The following CACNB4 variants were observed in gnomAD, a reference collection of about 807,000 sequenced individuals.
The protein encoded by CACNB4 is voltage-dependent L-type calcium channel subunit beta-4.
In CACNB4, 32 loss-of-function variants were observed where a neutral mutation model predicts 71.2. The ratio of observed to expected loss-of-function variants is 0.45; its 90% CI spans 0.34 to 0.60. CACNB4 has a LOEUF of 0.60. Among genes scored for constraint, CACNB4 ranks in the 20% least tolerant of loss-of-function variants. The probability of loss-of-function intolerance (pLI) is 0.01; values close to 1 mark genes in which losing one functional copy is unlikely to be tolerated. For synonymous variants in CACNB4, 231 were observed against 236.9 expected (o/e 0.97, Z 0.23); for missense variants, 464 against 647.9 (o/e 0.72, Z 3.08).
chr2:151,969,581 C>T (rs1282182130), intron 2 of CACNB4: 2 of 152,172 alleles, frequency 1.3e-5, no homozygotes, highest in African/African-American at 4.8e-5. Flanking sequence ...TAGCATTAAC[C>T]ATCAATTAGC....
At chr2:151,888,498 G>A (rs1230482593) in intron 2 of CACNB4, among the ~76,000 whole-genome samples, 2 of 152,100 alleles carry the variant, frequency 1.3e-5, no homozygotes, top group Non-Finnish European at 2.9e-5. Flanking sequence ...CCCGGGAGGT[G>A]GAGGCTCCAG....
chr2:151,865,799 T>TTTC, intron 9 of CACNB4: 1 of 152,048 alleles, frequency 6.6e-6, no homozygotes, highest in Non-Finnish European at 1.5e-5. Context: ...TTTTTTTTTT[T>TTTC]ATTGAGACAG....
intron 12 of CACNB4, among the ~76,000 whole-genome samples, chr2:151,845,762 C>T (rs1454328236): frequency 6.6e-6 from 1 of 152,184 alleles, no homozygotes; most frequent in Non-Finnish European, 1.5e-5. Flanking sequence ...ACAGGGAACA[C>T]CTTTGCCCTT....
At chr2:151,935,897 G>C (rs572981264) in intron 2 of CACNB4, among the ~76,000 whole-genome samples, 1 of 152,270 alleles carries the variant, frequency 6.6e-6, no homozygotes, top group East Asian at 1.9e-4. Flanking sequence ...GATCTGGATT[G>C]CTTTCCAAAA....
At chr2:152,055,175 C>T (rs937299675) in intron 2 of CACNB4, among the ~76,000 whole-genome samples, 1 of 152,112 alleles carries the variant, frequency 6.6e-6, no homozygotes, top group African/African-American at 2.4e-5. Flanking sequence ...CCACACTTGG[C>T]TAATTTTTGT....
At chr2:151,888,525 C>T (rs981792034) in intron 2 of CACNB4, among the ~76,000 whole-genome samples, 2 of 152,040 alleles carry the variant, frequency 1.3e-5, no homozygotes, top group African/African-American at 2.4e-5. Flanking sequence ...ATGATGATGC[C>T]ACAGCACTCT....
chr2:151,901,304 C>T (rs551209458), intron 2 of CACNB4, among the ~76,000 whole-genome samples: 2 of 152,034 alleles, frequency 1.3e-5, no homozygotes, highest in South Asian at 4.2e-4. Context: ...TTTTTGGTAA[C>T]CGTGTTAAAT....
At chr2:151,965,137 C>G (rs1329352902) in intron 2 of CACNB4, among the ~76,000 whole-genome samples, 1 of 152,188 alleles carries the variant, frequency 6.6e-6, no homozygotes, top group Non-Finnish European at 1.5e-5. Context: ...TGATATTAAG[C>G]TATCAATAAT....
chr2:152,041,764 T>A (rs906901234), intron 2 of CACNB4, among the ~76,000 whole-genome samples: 1 of 152,126 alleles, frequency 6.6e-6, no homozygotes, highest in African/African-American at 2.4e-5. Flanking sequence ...TCCAAAACCA[T>A]CAAAAAGGGA....
Position 152,074,714 on chromosome 2 carries a change from T to TCACCCCCTCACCATTACCACCTCCAC in CACNB4, c.147+23615_147+23616insGTGGAGGTGGTAATGGTGAGGGGGTG, listed in dbSNP as rs1560181694. On this transcript the variant is annotated intron_variant, in intron 2 of 13. Coordinates refer to ENST00000539935, the MANE Select transcript of CACNB4 (RefSeq NM_000726.5). ...CACCCCCTCACCATTACCACCTCTA[T>TCACCCCCTCACCATTACCACCTCCAC]CATCACCATCACCCCCTCACCATTA... Among the ~76,000 whole-genome samples the TCACCCCCTCACCATTACCACCTCCAC allele has an allele frequency of 9.6e-4, 16 of 16,704 alleles. 2 individuals are homozygous for TCACCCCCTCACCATTACCACCTCCAC. Among genetic ancestry groups the TCACCCCCTCACCATTACCACCTCCAC allele is most frequent in the Non-Finnish European group, 1.7e-3 (14 of 8,260 alleles). The allele number at this position is 16,704 out of a possible 152,430, so 11.0% of individuals were successfully genotyped here. A position where few individuals can be genotyped will look rare whatever the true frequency, so the allele number is the denominator to read the frequency against.
At chr2:151,994,161 G>C (rs1347647068) in intron 2 of CACNB4, among the ~76,000 whole-genome samples, 3 of 151,552 alleles carry the variant, frequency 2.0e-5, no homozygotes, top group Non-Finnish European at 2.9e-5. Context: ...AAGAGAGAAA[G>C]ACTCTGTTTC....
intron 2 of CACNB4, among the ~76,000 whole-genome samples, chr2:151,987,379 C>T (rs186354831): frequency 2.6e-5 from 4 of 152,264 alleles, no homozygotes; most frequent in Non-Finnish European, 5.9e-5. Context: ...CACTCTGTTC[C>T]ATTCTGTTTC....
At chr2:151,951,357 C>T (rs1028206937) in intron 2 of CACNB4, among the ~76,000 whole-genome samples, 19 of 152,058 alleles carry the variant, frequency 1.2e-4, no homozygotes, top group Admixed American at 2.6e-4. Context: ...CCCCTCTAAT[C>T]GATCTCTGAT....
chr2:151,923,564 G>C (rs2099859489), intron 2 of CACNB4, among the ~76,000 whole-genome samples: 1 of 152,164 alleles, frequency 6.6e-6, no homozygotes, highest in African/African-American at 2.4e-5. Context: ...AGGCCCGGAT[G>C]GCATCTAGCT....
At chr2:151,991,360 C>T (rs1429403815) in intron 2 of CACNB4, among the ~76,000 whole-genome samples, 1 of 152,172 alleles carries the variant, frequency 6.6e-6, no homozygotes, top group Non-Finnish European at 1.5e-5. Context: ...CCAGTTTTCC[C>T]AGAAGCTGGT....
At chr2:152,062,153 A>T (rs1310590655) in intron 2 of CACNB4, among the ~76,000 whole-genome samples, 1 of 152,032 alleles carries the variant, frequency 6.6e-6, no homozygotes, top group East Asian at 1.9e-4. Flanking sequence ...TTATTGTGAA[A>T]ATTTCCCCTA....
chr2:152,094,436 G>C (rs1422841139), intron 2 of CACNB4, among the ~76,000 whole-genome samples: 1 of 152,166 alleles, frequency 6.6e-6, no homozygotes, highest in African/African-American at 2.4e-5. Context: ...CCTCATAAGA[G>C]CAGACTTAAC....
At chr2:151,870,261 C>A (rs1260154629) in intron 8 of CACNB4, 1 of 702,884 alleles carries the variant, frequency 1.4e-6, no homozygotes, top group African/African-American at 1.7e-5. Context: ...ATTTAATGTA[C>A]AGCAAATCTT....
chr2:151,874,542 G>A (rs1452199215), intron 5 of CACNB4, among the ~76,000 whole-genome samples: 1 of 151,756 alleles, frequency 6.6e-6, no homozygotes, highest in African/African-American at 2.4e-5. Flanking sequence ...TAATAGTATT[G>A]GCAAGTTATA....
Sources: allele counts gnomAD v4.1 joint callset (sites outside exome capture counted in the v4.1 genomes callset), GRCh38; gene constraint gnomAD v4.1.1; transcripts MANE v1.5; gene names NCBI Gene and HGNC (gene_info 2026-07-23, HGNC 2026-07-21).